Variants in METTL6 observed in about 807,000 individuals in gnomAD.
The protein encoded by METTL6 is tRNA N(3)-cytidine methyltransferase METTL6.
METTL6 carries 22 observed loss-of-function variants against 26.4 expected under a neutral mutation model. The observed-to-expected ratio is 0.83, with a 90% CI of 0.59 to 1.19. The LOEUF (loss-of-function observed/expected upper bound fraction) is 1.19. METTL6 is among the 50% of genes most tolerant of loss of function. The probability of loss-of-function intolerance (pLI) is 0.00; values close to 1 mark genes in which losing one functional copy is unlikely to be tolerated. For synonymous variants in METTL6, 109 were observed against 116.2 expected (o/e 0.94, Z 0.40); for missense variants, 304 against 324.8 (o/e 0.94, Z 0.49).
At position 15,420,418 on chromosome 3, in the gene METTL6, A is replaced by G. The variant is rs113086869; in HGVS notation, c.361-4476T>C. Among the ~76,000 whole-genome samples, 1,158 of 152,346 alleles carry G rather than the reference A, an allele frequency of 7.6e-3. 23 individuals carry two copies. Among genetic ancestry groups the G allele is most frequent in the African/African-American group, 0.027 (1,110 of 41,586 alleles). On this transcript the variant is annotated intron_variant, in intron 3 of 5. Coordinates refer to ENST00000383790, the MANE Select transcript of METTL6 (RefSeq NM_152396.4). ...GTATGTTAAAAGTAGGGTAGTAAGTAACACATTTTGTAGATATCCTTTTGT... is the reference window on the plus strand; with the variant it reads ...GTATGTTAAAAGTAGGGTAGTAAGTGACACATTTTGTAGATATCCTTTTGT...
At chr3:15,415,679 T>C (rs1391124428) in intron 4 of METTL6, 93 bp downstream of exon 4, 3 of 1,598,912 alleles carry the variant, frequency 1.9e-6, no homozygotes, top group South Asian at 1.1e-5. Flanking sequence ...GGAGAGACTA[T>C]GTGAATCTAG....
At chr3:15,413,698 T>G in intron 5 of METTL6, 3 of 1,254,352 alleles carry the variant, frequency 2.4e-6, no homozygotes, top group Non-Finnish European at 1.0e-6. Context: ...TATTTTTAAC[T>G]GGACAAGAAG....
chr3:15,393,676 T>C (rs1171164280), intron 6 of METTL6, among the ~76,000 whole-genome samples: 1 of 152,192 alleles, frequency 6.6e-6, no homozygotes, highest in Non-Finnish European at 1.5e-5. Flanking sequence ...GTCCCATCAG[T>C]ACCTAATTTA....
chr3:15,420,849 T>C (rs2061596876), intron 3 of METTL6, among the ~76,000 whole-genome samples: 1 of 152,230 alleles, frequency 6.6e-6, no homozygotes, highest in Non-Finnish European at 1.5e-5. Context: ...CAAATGCTTA[T>C]ATCTATCCAC....
chr3:15,400,865 A>G (rs1699620849), intron 6 of METTL6, among the ~76,000 whole-genome samples: 1 of 152,096 alleles, frequency 6.6e-6, no homozygotes, highest in Non-Finnish European at 1.5e-5. Flanking sequence ...AATATTTATC[A>G]TTAAACATAA....
chr3:15,419,713 A>G (rs1018425286), intron 3 of METTL6, among the ~76,000 whole-genome samples: 4 of 152,186 alleles, frequency 2.6e-5, no homozygotes, highest in African/African-American at 9.6e-5. Flanking sequence ...TCTTCTTCCA[A>G]GGAATTCTGC....
At chr3:15,418,012 G>A (rs1292721282) in intron 3 of METTL6, among the ~76,000 whole-genome samples, 1 of 152,210 alleles carries the variant, frequency 6.6e-6, no homozygotes, top group Non-Finnish European at 1.5e-5. Flanking sequence ...GGGGTTTGAA[G>A]TCTCTGGTGC....
At chr3:15,404,130 AG>A (rs1269268527) in intron 6 of METTL6, among the ~76,000 whole-genome samples, 1 of 152,120 alleles carries the variant, frequency 6.6e-6, no homozygotes, top group Non-Finnish European at 1.5e-5. Context: ...GCAGCCCAGC[AG>A]GTCTCAGCCT....
At chr3:15,397,526 C>T (rs1450823938) in intron 6 of METTL6, among the ~76,000 whole-genome samples, 1 of 152,132 alleles carries the variant, frequency 6.6e-6, no homozygotes. Flanking sequence ...CAGTGAGATG[C>T]ACCCGGTACC....
intron 6 of METTL6, among the ~76,000 whole-genome samples, chr3:15,401,902 C>T (rs1257440215): frequency 1.3e-5 from 2 of 152,206 alleles, no homozygotes; most frequent in African/African-American, 4.8e-5. Context: ...AGTGGGGCAG[C>T]CCATGCCACT....
rs1699898699 is a variant in METTL6 at position 15,409,819 on chromosome 3, T to G, written c.*1437A>C. Among the ~76,000 whole-genome samples the G allele has an allele frequency of 6.6e-6, 1 of 152,092 alleles. No individual in the cohort carries two copies. The highest frequency in any genetic ancestry group is 1.5e-5 in the Non-Finnish European group (1 of 68,016). Reference sequence around the variant, plus strand: ...TTGTGGAACACTGGTTTTGAAGAAATACATAACTGAACTAAAGGGGAGACC... The same window carrying G: ...TTGTGGAACACTGGTTTTGAAGAAAGACATAACTGAACTAAAGGGGAGACC... On this transcript the variant is annotated 3_prime_UTR_variant, in exon 6 of 6. Coordinates refer to ENST00000383790, the MANE Select transcript of METTL6 (RefSeq NM_152396.4).
intron 6 of METTL6, among the ~76,000 whole-genome samples, chr3:15,402,278 T>C (rs1274291263): frequency 6.6e-6 from 1 of 152,204 alleles, no homozygotes; most frequent in African/African-American, 2.4e-5. Context: ...CTAGGGTTTT[T>C]CAAGGATAGT....
intron 4 of METTL6, 139 bp downstream of exon 4, chr3:15,415,633 T>C (rs1196115514): frequency 6.2e-7 from 1 of 1,607,990 alleles, no homozygotes; most frequent in African/African-American, 1.3e-5. Flanking sequence ...AGGACCCCTT[T>C]CTATACACTC....
chr3:15,394,186 G>A (rs1353593808), intron 6 of METTL6, among the ~76,000 whole-genome samples: 1 of 152,146 alleles, frequency 6.6e-6, no homozygotes, highest in Non-Finnish European at 1.5e-5. Context: ...CCTGTTATTG[G>A]TCTATTCAGA....
chr3:15,417,973 A>G (rs936490005), intron 3 of METTL6, among the ~76,000 whole-genome samples: 1 of 152,214 alleles, frequency 6.6e-6, no homozygotes, highest in Non-Finnish European at 1.5e-5. Context: ...ACCCAAATCC[A>G]AGAGAGGAGA....
intron 6 of METTL6, among the ~76,000 whole-genome samples, chr3:15,388,439 G>C (rs1407380271): frequency 6.6e-6 from 1 of 152,160 alleles, no homozygotes; most frequent in East Asian, 1.9e-4. Flanking sequence ...AGGACAACTT[G>C]GTGAGTAGGG....
exon 7 of METTL6, chr3:15,384,033 G>A (rs142114983): frequency 1.5e-5 from 5 of 343,768 alleles, no homozygotes; most frequent in African/African-American, 9.2e-5. Context: ...AAAACAAAAG[G>A]TCTCTGGATA....
Position 15,415,502 on chromosome 3 carries a change from T to C in METTL6, c.531+270A>G, listed in dbSNP as rs765227443. 7 of 1,592,254 alleles carry C rather than the reference T, an allele frequency of 4.4e-6. 1 individual carries two copies. The Admixed American group carries it at 1.0e-4, about 23-fold the overall frequency. On this transcript the variant is annotated intron_variant, in intron 4 of 5. Coordinates refer to ENST00000383790, the MANE Select transcript of METTL6 (RefSeq NM_152396.4). ...CTAAACCATAACTCCTCTCACCTTA[T>C]AGCAGGACTCCATGGATCCCAGGTA...
intron 4 of METTL6, chr3:15,414,434 C>T: frequency 1.2e-6 from 1 of 820,466 alleles, no homozygotes; most frequent in Non-Finnish European, 1.6e-6. Context: ...CAGCTCACTG[C>T]AACCTCCGTC....
Sources: gnomAD v4.1 joint callset for allele counts (sites outside exome capture counted in the v4.1 genomes callset) on GRCh38, gnomAD v4.1.1 for gene constraint, MANE v1.5 for transcripts, NCBI Gene and HGNC (gene_info 2026-07-23, HGNC 2026-07-21) for gene names.